The following KLHL14 variants were observed in gnomAD, a reference collection of about 807,000 sequenced individuals.
The protein encoded by KLHL14 is kelch-like protein 14.
A neutral mutation model predicts 64.3 loss-of-function variants in KLHL14; 22 were observed. That is an observed-to-expected ratio of 0.34 (90% CI 0.24 to 0.49). The LOEUF (loss-of-function observed/expected upper bound fraction) is 0.49, where lower values mean the gene tolerates loss of function less well. KLHL14 is among the 20% of genes least tolerant of loss of function. KLHL14 has a pLI of 0.99. For synonymous variants in KLHL14, 322 were observed against 333.4 expected, an observed-to-expected ratio of 0.97 and a Z score of 0.37; for missense variants, 661 against 789.0, an observed-to-expected ratio of 0.84 and a Z score of 1.94.
At chr18:32,737,175 C>T (rs193224280) in intron 3 of KLHL14, among the ~76,000 whole-genome samples, 1 of 151,872 alleles carries the variant, frequency 6.6e-6, no homozygotes, top group Admixed American at 6.6e-5. Flanking sequence ...CTAGAAATAA[C>T]ATTAAATTAA....
At chr18:32,707,044 G>C (rs190093090) in intron 3 of KLHL14, among the ~76,000 whole-genome samples, 31 of 152,282 alleles carry the variant, frequency 2.0e-4, no homozygotes, top group African/African-American at 7.5e-4. Flanking sequence ...GAGCTGTTTT[G>C]AAAGGACACC....
rs75525623 is a variant in KLHL14, at chr18:32,683,317, T to A, written c.1239-2718A>T. ...CACTTCCTGATGACAAGTGCATTTTTAGGTAGAAATTCCAATAGTAAAGAT... is the reference window on the plus strand; with the variant it reads ...CACTTCCTGATGACAAGTGCATTTTAAGGTAGAAATTCCAATAGTAAAGAT... On this transcript the variant is annotated intron_variant, in intron 5 of 8. Coordinates refer to ENST00000359358, the MANE Select transcript of KLHL14 (RefSeq NM_020805.3). This position sits in a 1 kb window ranked among gnomAD's most constrained non-coding sequence, Gnocchi z 4.2. Among the ~76,000 whole-genome samples, 3 of 152,184 alleles carry A rather than the reference T, an allele frequency of 2.0e-5. No individual in the cohort carries two copies. The highest frequency in any genetic ancestry group is 2.9e-5 in the Non-Finnish European group (2 of 68,026).
intron 4 of KLHL14, among the ~76,000 whole-genome samples, chr18:32,694,730 GC>G: frequency 6.6e-6 from 1 of 152,304 alleles, no homozygotes; most frequent in Admixed American, 6.5e-5. Context: ...GTACCTGCAA[GC>G]TGTTTTATGG....
chr18:32,721,961 T>C (rs1029348933), intron 3 of KLHL14, among the ~76,000 whole-genome samples: 3 of 152,140 alleles, frequency 2.0e-5, no homozygotes, highest in Admixed American at 2.0e-4. Context: ...CCTCATGTCA[T>C]GGGAGGGATC....
intron 3 of KLHL14, among the ~76,000 whole-genome samples, chr18:32,740,410 T>C (rs557099279): frequency 3.0e-4 from 45 of 152,360 alleles, no homozygotes; most frequent in African/African-American, 8.4e-4. Flanking sequence ...TAGCTTTTTG[T>C]ATTTGGGAAA....
intron 4 of KLHL14, among the ~76,000 whole-genome samples, chr18:32,690,101 A>G (rs1252132190): frequency 6.6e-6 from 1 of 152,008 alleles, no homozygotes; most frequent in Non-Finnish European, 1.5e-5. Context: ...GGAGAGAGAG[A>G]ACAAAAGGGC....
At chr18:32,679,856 T>A (rs944748632) in intron 7 of KLHL14, among the ~76,000 whole-genome samples, 10 of 152,174 alleles carry the variant, frequency 6.6e-5, no homozygotes, top group African/African-American at 2.2e-4. Context: ...TAAGAAATAA[T>A]TTATTTCAGT....
chr18:32,726,886 A>T (rs565230750), intron 3 of KLHL14, among the ~76,000 whole-genome samples: 2 of 152,342 alleles, frequency 1.3e-5, no homozygotes, highest in South Asian at 4.1e-4. Context: ...CACTTTCAGC[A>T]GAATAAACAT....
At chr18:32,720,530 G>C (rs1224265860) in intron 3 of KLHL14, among the ~76,000 whole-genome samples, 2 of 152,250 alleles carry the variant, frequency 1.3e-5, no homozygotes, top group African/African-American at 4.8e-5. Flanking sequence ...CAGAAATACA[G>C]TAGTCTGCCT....
chr18:32,762,164 T>C (rs963927092), intron 2 of KLHL14, among the ~76,000 whole-genome samples: 2 of 152,168 alleles, frequency 1.3e-5, no homozygotes, highest in African/African-American at 4.8e-5. Flanking sequence ...CGAATGGTAT[T>C]ATAGGCGGTA....
At chr18:32,688,372 T>C (rs1245328379) in intron 4 of KLHL14, among the ~76,000 whole-genome samples, 2 of 152,234 alleles carry the variant, frequency 1.3e-5, no homozygotes, top group Non-Finnish European at 1.5e-5. Flanking sequence ...GTGTGTTTCA[T>C]GTATTCTAGA....
chr18:32,770,309 G>C lies in KLHL14; in HGVS notation c.283C>G (p.Gln95Glu). ...TCCTCCTGCGGCGGCGGCTGCTGCT[G>C]CTGTGACGGCTGCTGCTGCGGCGGC... ...QQPPQQQPSQQQQPPPQEEPG... is the reference protein window; with the variant it reads ...QQPPQQQPSQEQQPPPQEEPG... Residue 95 changes from glutamine (Q) to glutamate (E), a missense_variant, in exon 2 of 9, where the codon CAG (glutamine) becomes GAG (glutamate). Gln to Glu is a conservative substitution (Grantham distance 29). Coordinates refer to ENST00000359358, the MANE Select transcript of KLHL14 (RefSeq NM_020805.3). The surrounding 1 kb of genome is among the most constrained non-coding windows in gnomAD (Gnocchi z 6.7). 1 of 1,585,908 alleles carries C rather than the reference G, an allele frequency of 6.3e-7. No homozygotes were observed. Among genetic ancestry groups the C allele is most frequent in the Non-Finnish European group, 8.6e-7 (1 of 1,166,224 alleles).
At chr18:32,762,409 T>A (rs1305923653) in intron 2 of KLHL14, among the ~76,000 whole-genome samples, 1 of 152,128 alleles carries the variant, frequency 6.6e-6, no homozygotes, top group Admixed American at 6.6e-5. Flanking sequence ...TTTCAGATAG[T>A]TCACATTCTT....
chr18:32,693,880 G>C (rs1568066534), intron 4 of KLHL14, among the ~76,000 whole-genome samples: 1 of 152,186 alleles, frequency 6.6e-6, no homozygotes, highest in Non-Finnish European at 1.5e-5. Flanking sequence ...GAAGGAATAT[G>C]TCCTTTCAAC....
chr18:32,713,352 T>C (rs2050029883), intron 3 of KLHL14, among the ~76,000 whole-genome samples: 1 of 152,200 alleles, frequency 6.6e-6, no homozygotes, highest in Admixed American at 6.6e-5. Context: ...CCTAAGCCAC[T>C]GTCAACTCTA....
intron 3 of KLHL14, among the ~76,000 whole-genome samples, chr18:32,732,298 T>A (rs2050140891): frequency 6.6e-6 from 1 of 152,222 alleles, no homozygotes; most frequent in Non-Finnish European, 1.5e-5. Context: ...CAGTCCTATG[T>A]AGGAAGTGAT....
rs1555666672 is a variant in KLHL14, at chr18:32,760,355, C to CACACACACATAT, written c.947+9289_947+9290insATATGTGTGTGT. Among the ~76,000 whole-genome samples the CACACACACATAT allele has an allele frequency of 4.5e-3, 682 of 151,780 alleles. 2 individuals are homozygous for CACACACACATAT. The highest frequency in any genetic ancestry group is 0.014 in the Middle Eastern group (4 of 294). On this transcript the variant is annotated intron_variant, in intron 2 of 8. Transcript: ENST00000359358. ...ACACAGACATACACACACACACACA[C>CACACACACATAT]ACACACATATACACACACACACAAA...
At chr18:32,730,905 C>A (rs991919915) in intron 3 of KLHL14, among the ~76,000 whole-genome samples, 1 of 152,146 alleles carries the variant, frequency 6.6e-6, no homozygotes, top group African/African-American at 2.4e-5. Context: ...AATTAGAACA[C>A]GCTGTGAGAA....
At chr18:32,700,597 T>G (rs531214562) in intron 3 of KLHL14, among the ~76,000 whole-genome samples, 4 of 152,296 alleles carry the variant, frequency 2.6e-5, no homozygotes, top group Admixed American at 2.0e-4. Flanking sequence ...TAATAATATA[T>G]TCATTCTTTC....
Sources: gnomAD v4.1 joint callset for allele counts (sites outside exome capture counted in the v4.1 genomes callset) on GRCh38, gnomAD v4.1.1 for gene constraint, Gnocchi (gnomAD v3.1) non-coding constraint, MANE v1.5 for transcripts, NCBI Gene and HGNC (gene_info 2026-07-23, HGNC 2026-07-21) for gene names.